Variants in AUTS2 observed in about 807,000 individuals in gnomAD.
The protein encoded by AUTS2 is autism susceptibility gene 2 protein.
A neutral mutation model predicts 112.4 loss-of-function variants in AUTS2; 17 were observed. The observed-to-expected ratio is 0.15, with a 90% CI of 0.10 to 0.23. AUTS2 has a LOEUF of 0.23. Ranked by LOEUF, AUTS2 falls within the 10% of genes least tolerant of loss-of-function variation. The pLI is 1.00. For synonymous variants in AUTS2, 751 were observed against 702.7 expected (o/e 1.07, Z -1.09); for missense variants, 1,510 against 1,701.6 (o/e 0.89, Z 1.98).
chr7:70,666,265 A>G (rs986922050), intron 5 of AUTS2, among the ~76,000 whole-genome samples: 1 of 152,254 alleles, frequency 6.6e-6, no homozygotes, highest in Admixed American at 6.5e-5. Flanking sequence ...AAGAGTTAAT[A>G]TGTTTAAGTA....
At chr7:70,292,734 A>T (rs1788764811) in intron 4 of AUTS2, 1 of 152,118 alleles carries the variant, frequency 6.6e-6, no homozygotes, top group Non-Finnish European at 1.5e-5. Flanking sequence ...GAAAATTTTA[A>T]AATGCTTTGC....
chr7:69,868,722 T>G (rs1306270312), intron 1 of AUTS2, among the ~76,000 whole-genome samples: 1 of 152,250 alleles, frequency 6.6e-6, no homozygotes, highest in Non-Finnish European at 1.5e-5. Flanking sequence ...TTATAAGAGA[T>G]AAATTTGAAA....
intron 1 of AUTS2, among the ~76,000 whole-genome samples, chr7:69,671,483 GCTGGTGTGT>G (rs779933895): frequency 2.7e-4 from 37 of 135,970 alleles, no homozygotes; most frequent in Admixed American, 2.3e-4. Flanking sequence ...TGCTGCTGCT[GCTGGTGTGT>G]GTGTGTGTGT....
Position 70,587,223 on chromosome 7 carries a change from A to G in AUTS2, c.691-111346A>G, listed in dbSNP as rs118133796. Among the ~76,000 whole-genome samples the G allele has an allele frequency of 1.4e-3, 207 of 152,254 alleles. 3 individuals are homozygous for G. The East Asian group carries it at 0.024, about 17-fold the overall frequency. ...CTCCTGAGTAGCTGGAACAAGAGGA[A>G]CATACCACCATGCGGGCTAATTTTT... On this transcript the variant is annotated intron_variant, in intron 5 of 18. Transcript: ENST00000342771.
chr7:69,946,983 A>G (rs929866369), intron 2 of AUTS2, among the ~76,000 whole-genome samples: 1 of 152,122 alleles, frequency 6.6e-6, no homozygotes, highest in African/African-American at 2.4e-5. Context: ...ACTCATGGAA[A>G]ATCCTGGTGG....
intron 2 of AUTS2, among the ~76,000 whole-genome samples, chr7:70,086,640 C>CA (rs71068015): frequency 0.43 from 35,291 of 82,812 alleles, 5,987 homozygotes; most frequent in African/African-American, 0.5. Context: ...GACTCCATCT[C>CA]AAAAAAAAAA....
chr7:70,734,076 C>G (rs1787624192), intron 6 of AUTS2, among the ~76,000 whole-genome samples: 1 of 152,056 alleles, frequency 6.6e-6, no homozygotes, highest in South Asian at 2.1e-4. Context: ...GGCCTTGATT[C>G]TCATACTCAA....
At chr7:70,128,898 A>G (rs983072022) in intron 3 of AUTS2, among the ~76,000 whole-genome samples, 16 of 152,146 alleles carry the variant, frequency 1.1e-4, no homozygotes, top group Admixed American at 6.5e-5. Flanking sequence ...TTCCTGGCTT[A>G]TAGATGCATC....
intron 4 of AUTS2, among the ~76,000 whole-genome samples, chr7:70,340,239 C>A (rs1791202052): frequency 6.6e-6 from 1 of 151,034 alleles, no homozygotes. Flanking sequence ...ATGATTTGAA[C>A]ATAAATACCA....
intron 1 of AUTS2, among the ~76,000 whole-genome samples, chr7:69,624,996 T>C (rs1793877555): frequency 7.4e-6 from 1 of 134,980 alleles, no homozygotes; most frequent in African/African-American, 2.8e-5. Flanking sequence ...AACAGATAAA[T>C]TATCTGACCT....
intron 4 of AUTS2, among the ~76,000 whole-genome samples, chr7:70,393,366 G>A (rs940554652): frequency 4.6e-5 from 7 of 152,282 alleles, no homozygotes; most frequent in Admixed American, 2.0e-4. Context: ...AACCAGCAGC[G>A]CTTGCCAGAG....
intron 1 of AUTS2, among the ~76,000 whole-genome samples, chr7:69,875,093 C>A (rs1645492903): frequency 6.6e-6 from 1 of 151,538 alleles, no homozygotes; most frequent in Admixed American, 6.6e-5. Flanking sequence ...ATTGATCACG[C>A]TTTGCATATT....
intron 1 of AUTS2, among the ~76,000 whole-genome samples, chr7:69,889,319 G>A (rs1332899831): frequency 1.3e-5 from 2 of 152,208 alleles, no homozygotes; most frequent in African/African-American, 4.8e-5. Flanking sequence ...GTATTACCAG[G>A]AAGATCCAGT....
intron 5 of AUTS2, among the ~76,000 whole-genome samples, chr7:70,619,850 G>T (rs1804576197): frequency 6.6e-6 from 1 of 152,098 alleles, no homozygotes; most frequent in South Asian, 2.1e-4. Context: ...AGTTGCTAAT[G>T]ACACAATCTC....
chr7:70,313,356 T>A (rs1408366823), intron 4 of AUTS2, among the ~76,000 whole-genome samples: 1 of 152,234 alleles, frequency 6.6e-6, no homozygotes, highest in African/African-American at 2.4e-5. Flanking sequence ...TAGACATGAC[T>A]ATTATTTAGC....
chr7:69,976,351 A>G (rs943890687), intron 2 of AUTS2, among the ~76,000 whole-genome samples: 7 of 152,232 alleles, frequency 4.6e-5, no homozygotes, highest in South Asian at 2.1e-4. Context: ...CTAAGGCTAT[A>G]TAATATTCCA....
intron 1 of AUTS2, among the ~76,000 whole-genome samples, chr7:69,867,704 C>T (rs199794987): frequency 1.3e-5 from 2 of 152,034 alleles, no homozygotes; most frequent in African/African-American, 4.8e-5. Context: ...CTTAAGAGTG[C>T]GTGGCAAAAA....
At chr7:70,707,611 C>A (rs1381093888) in intron 6 of AUTS2, among the ~76,000 whole-genome samples, 2 of 152,152 alleles carry the variant, frequency 1.3e-5, no homozygotes, top group Non-Finnish European at 2.9e-5. Context: ...TCCTCCCATA[C>A]CTTCCCAAAG....
intron 2 of AUTS2, among the ~76,000 whole-genome samples, chr7:69,984,310 G>A (rs2129550579): frequency 6.6e-6 from 1 of 151,730 alleles, no homozygotes; most frequent in Middle Eastern, 3.4e-3. Flanking sequence ...GGGAGGCTGA[G>A]GCAGGAGAAT....
Sources: gnomAD v4.1 joint callset for allele counts (sites outside exome capture counted in the v4.1 genomes callset) on GRCh38, gnomAD v4.1.1 for gene constraint, MANE v1.5 for transcripts, NCBI Gene and HGNC (gene_info 2026-07-23, HGNC 2026-07-21) for gene names.